SLC8A2: variants seen among roughly 807,000 people sequenced by gnomAD.
SLC8A2 encodes the protein solute carrier family 8 member A2.
Under a neutral mutation model 70.2 loss-of-function variants are expected in SLC8A2, and 14 were observed. The ratio of observed to expected loss-of-function variants is 0.20; its 90% CI spans 0.13 to 0.31. SLC8A2 has a LOEUF of 0.31. Ranked by LOEUF, SLC8A2 falls within the 10% of genes least tolerant of loss-of-function variation. The pLI is 1.00. For synonymous variants in SLC8A2, 575 were observed against 594.3 expected (o/e 0.97, Z 0.47); for missense variants, 779 against 1,320.1 (o/e 0.59, Z 6.35).
In SLC8A2 at chr19:47,448,296, G is replaced by C; in HGVS notation, c.1341-65C>G. On this transcript the variant is annotated intron_variant, in intron 3 of 9. Transcript: ENST00000236877. The surrounding 1 kb of genome is among the most constrained non-coding windows in gnomAD (Gnocchi z 4.8). The stretch of plus-strand genomic sequence containing the variant: ...CGGTCATCGGCTGTGTGTTGTACGG[G>C]GGGAGTCTGGACGTGCTTCCCAGAG... 1 of 1,290,248 alleles carries C rather than the reference G, an allele frequency of 7.8e-7. No homozygotes were observed. The highest frequency in any genetic ancestry group is 1.4e-5 in the South Asian group (1 of 74,050). 79.9% of individuals were successfully genotyped at this position (1,290,248 alleles called of 1,614,324 possible). A position where few individuals can be genotyped will look rare whatever the true frequency, so the allele number is the denominator to read the frequency against.
chr19:47,443,757 C>A (rs1023562727), intron 4 of SLC8A2, among the ~76,000 whole-genome samples: 2 of 152,126 alleles, frequency 1.3e-5, no homozygotes, highest in Non-Finnish European at 2.9e-5. Context: ...CTACATTTTC[C>A]ATCTTCTTTT....
intron 2 of SLC8A2, among the ~76,000 whole-genome samples, chr19:47,459,535 T>C (rs946370075): frequency 1.4e-5 from 2 of 145,664 alleles, no homozygotes; most frequent in Non-Finnish European, 3.1e-5. Flanking sequence ...CGTGCGCGTG[T>C]GTGCGCATGT....
chr19:47,445,971 C>G (rs1177826621), intron 4 of SLC8A2, among the ~76,000 whole-genome samples: 2 of 152,116 alleles, frequency 1.3e-5, no homozygotes, highest in Admixed American at 1.3e-4. Flanking sequence ...GAAATATAAG[C>G]TGAGTCAGAG....
At chr19:47,459,409 A>G (rs1967360239) in intron 2 of SLC8A2, among the ~76,000 whole-genome samples, 1 of 150,002 alleles carries the variant, frequency 6.7e-6, no homozygotes, top group South Asian at 2.1e-4. Context: ...GTAGATATCT[A>G]TTTCCCTCCC....
intron 3 of SLC8A2, among the ~76,000 whole-genome samples, chr19:47,455,603 A>G (rs1967294787): frequency 6.6e-6 from 1 of 152,232 alleles, no homozygotes; most frequent in African/African-American, 2.4e-5. Context: ...TTAACAACAC[A>G]TACTGTTCAA....
In SLC8A2 at chr19:47,428,213, G is replaced by A. The variant is rs1329126290; in HGVS notation, c.*1876C>T. The A allele has an allele frequency of 6.6e-6, 1 of 151,574 alleles. No individual in the cohort carries two copies. Among genetic ancestry groups the A allele is most frequent in the African/African-American group, 2.4e-5 (1 of 41,182 alleles). The allele number at this position is 151,574 out of a possible 1,614,324, so 9.4% of individuals were successfully genotyped here. ...GGCGTGGCTGAAGCACGACTGATAA[G>A]TGGGGGTGTGATTAGTGGAAGAGCT... On this transcript the variant is annotated 3_prime_UTR_variant, in exon 10 of 10. Coordinates refer to ENST00000236877, the MANE Select transcript of SLC8A2 (RefSeq NM_015063.3).
Position 47,447,551 on chromosome 19 carries a change from C to T in SLC8A2, c.1763+258G>A. ...CCCGCCCCTCCCGAGGCCAAGCCCACTTTGGAGAACGATTCACTCAGGCCC... is the reference window on the plus strand; with the variant it reads ...CCCGCCCCTCCCGAGGCCAAGCCCATTTTGGAGAACGATTCACTCAGGCCC... On this transcript the variant is annotated intron_variant, in intron 4 of 9. Transcript: ENST00000236877. This position sits in a 1 kb window ranked among gnomAD's most constrained non-coding sequence, Gnocchi z 5.1. The T allele has an allele frequency of 2.0e-6, 1 of 509,608 alleles. No individual in the cohort carries two copies. Among genetic ancestry groups the T allele is most frequent in the Non-Finnish European group, 3.4e-6 (1 of 290,648 alleles). The allele number at this position is 509,608 out of a possible 1,614,324, so 31.6% of individuals were successfully genotyped here.
chr19:47,442,206 C>T (rs890438151), intron 4 of SLC8A2, among the ~76,000 whole-genome samples: 1 of 152,198 alleles, frequency 6.6e-6, no homozygotes, highest in Non-Finnish European at 1.5e-5. Flanking sequence ...CCCCTGCACT[C>T]CAGCCCAGCC....
intron 2 of SLC8A2, among the ~76,000 whole-genome samples, chr19:47,458,805 C>T (rs892041233): frequency 2.7e-5 from 4 of 150,782 alleles, no homozygotes; most frequent in African/African-American, 4.9e-5. Flanking sequence ...ATTTTTTCCC[C>T]TCTCCCGTCA....
intron 3 of SLC8A2, among the ~76,000 whole-genome samples, chr19:47,455,091 G>C (rs963385287): frequency 6.6e-5 from 10 of 152,040 alleles, no homozygotes; most frequent in African/African-American, 2.2e-4. Flanking sequence ...CTGAGAAAAA[G>C]AAGAAAGGAA....
chr19:47,457,302 T>C lies in SLC8A2; in HGVS notation c.968A>G (p.Lys323Arg). The C allele has an allele frequency of 6.5e-7, 1 of 1,545,330 alleles. No individual in the cohort carries two copies. The highest frequency in any genetic ancestry group is 8.7e-7 in the Non-Finnish European group (1 of 1,145,096). ...REVIQILKDL[K>R]QKHPDKDLEQ... ...CAGATCCTTGTCCGGGTGCTTCTGCTTGAGGTCCTTGAGGATCTGGATGAC... is the reference window on the plus strand; with the variant it reads ...CAGATCCTTGTCCGGGTGCTTCTGCCTGAGGTCCTTGAGGATCTGGATGAC... The change falls in exon 3 of 10, where the codon AAG (lysine) becomes AGG (arginine). Residue 323 changes from lysine (K) to arginine (R), a missense_variant. Physicochemically the swap from Lys to Arg is conservative, Grantham distance 26. Around this residue, in one of 6 missense-constraint regions of SLC8A2, gnomAD observed 186 missense variants for 246.6 expected, o/e 0.75. Transcript: ENST00000236877.
intron 2 of SLC8A2, among the ~76,000 whole-genome samples, chr19:47,462,796 C>G (rs922262676): frequency 2.0e-5 from 3 of 151,986 alleles, no homozygotes; most frequent in Non-Finnish European, 2.9e-5. Context: ...CCATGTCGGT[C>G]AGGCTGGTTT....
intron 8 of SLC8A2, among the ~76,000 whole-genome samples, chr19:47,435,356 C>T (rs1031468319): frequency 6.6e-6 from 1 of 152,098 alleles, no homozygotes; most frequent in Non-Finnish European, 1.5e-5. Flanking sequence ...ACCCACAGCA[C>T]GATGTACGCT....
chr19:47,468,294 C>T lies in SLC8A2; in HGVS notation c.-16-1875G>A, dbSNP rs1271547032. Among the ~76,000 whole-genome samples the T allele has an allele frequency of 2.0e-5, 3 of 152,066 alleles. No homozygotes were observed. The highest frequency in any genetic ancestry group is 4.4e-5 in the Non-Finnish European group (3 of 68,032). Reference sequence around the variant, plus strand: ...TGCTGTTCCCCCTTCCTCGAACACGCTTCTCTATTTATGTATTTTTGAGAC... The same window carrying T: ...TGCTGTTCCCCCTTCCTCGAACACGTTTCTCTATTTATGTATTTTTGAGAC... On this transcript the variant is annotated intron_variant, in intron 1 of 9. Coordinates refer to ENST00000236877, the MANE Select transcript of SLC8A2 (RefSeq NM_015063.3). This position sits in a 1 kb window ranked among gnomAD's most constrained non-coding sequence, Gnocchi z 5.1.
chr19:47,450,479 C>T (rs555927588), intron 3 of SLC8A2, among the ~76,000 whole-genome samples: 9 of 152,008 alleles, frequency 5.9e-5, no homozygotes, highest in African/African-American at 2.2e-4. Flanking sequence ...GCCAAGATCA[C>T]GTCACTGCAC....
intron 5 of SLC8A2, 31 bp downstream of exon 5, chr19:47,441,306 C>T (rs2122622465): frequency 7.5e-6 from 12 of 1,591,170 alleles, no homozygotes; most frequent in South Asian, 1.1e-5. Context: ...GGACCCCTTA[C>T]TTCTCCCACA....
chr19:47,437,378 C>T, intron 8 of SLC8A2, 84 bp downstream of exon 8: 5 of 1,015,258 alleles, frequency 4.9e-6, no homozygotes, highest in Non-Finnish European at 7.8e-6. Flanking sequence ...ATCTTTGTGC[C>T]TGTCTCTCCA....
chr19:47,437,351 C>T, intron 8 of SLC8A2, 111 bp downstream of exon 8: 1 of 796,916 alleles, frequency 1.3e-6, no homozygotes, highest in Non-Finnish European at 2.1e-6. Context: ...GCATGAGCCA[C>T]CGCGCCCGGC....
At chr19:47,457,645 C>G in intron 2 of SLC8A2, 51 bp from the exon 3 acceptor site, 2 of 1,261,770 alleles carry the variant, frequency 1.6e-6, no homozygotes, top group South Asian at 3.0e-5. Flanking sequence ...CTTCTCCCTC[C>G]CCGCCTCTCT....
Sources: allele counts gnomAD v4.1 joint callset (sites outside exome capture counted in the v4.1 genomes callset), GRCh38; gene constraint gnomAD v4.1.1; regional missense constraint gnomAD v4.1.1; non-coding constraint Gnocchi (gnomAD v3.1); transcripts MANE v1.5; gene names NCBI Gene and HGNC (gene_info 2026-07-23, HGNC 2026-07-21).